The following ARHGAP35 variants were observed in gnomAD, a reference collection of about 807,000 sequenced individuals.
ARHGAP35 encodes rho GTPase-activating protein 35.
Under a neutral mutation model 111.1 loss-of-function variants are expected in ARHGAP35, and 15 were observed. That is an observed-to-expected ratio of 0.13 (90% CI 0.09 to 0.21). ARHGAP35 has a LOEUF of 0.21. Among genes scored for constraint, ARHGAP35 ranks in the 10% least tolerant of loss-of-function variants. The pLI is 1.00. For missense variants in ARHGAP35, 1,262 were observed against 1,873.0 expected (o/e 0.67, Z 6.02); for synonymous variants, 643 against 710.3 (o/e 0.91, Z 1.51).
intron 1 of ARHGAP35, among the ~76,000 whole-genome samples, chr19:46,866,177 T>A (rs1186939341): frequency 1.3e-5 from 2 of 152,216 alleles, no homozygotes; most frequent in African/African-American, 4.8e-5. Flanking sequence ...TTGTTATTCA[T>A]CACAGCACTA....
At chr19:46,961,999 G>A (rs2056485861) in intron 3 of ARHGAP35, among the ~76,000 whole-genome samples, 1 of 151,884 alleles carries the variant, frequency 6.6e-6, no homozygotes. Flanking sequence ...GAAGGGAAGG[G>A]AAGGAAAGGA....
chr19:46,923,243 T>C (rs1320545102), intron 2 of ARHGAP35, among the ~76,000 whole-genome samples: 2 of 152,028 alleles, frequency 1.3e-5, no homozygotes, highest in Non-Finnish European at 1.5e-5. Flanking sequence ...TAGCTGGGAC[T>C]ACAGGCGCCC....
rs148943157 is a variant in ARHGAP35, at chr19:46,951,557, A to G, written c.3826+14149A>G. Among the ~76,000 whole-genome samples, 797 of 152,138 alleles carry G rather than the reference A, an allele frequency of 5.2e-3. 10 individuals carry two copies. The highest frequency in any genetic ancestry group is 0.019 in the African/African-American group (776 of 41,514). ...TTACAAGCAAATATTTAACTTCTCCATTGTTAGTTTCCTTGACCATAAAAT... is the reference window on the plus strand; with the variant it reads ...TTACAAGCAAATATTTAACTTCTCCGTTGTTAGTTTCCTTGACCATAAAAT... On this transcript the variant is annotated intron_variant, in intron 3 of 6. Coordinates refer to ENST00000672722, the MANE Select transcript of ARHGAP35 (RefSeq NM_004491.5).
chr19:46,913,106 CAG>C (rs1406061458), intron 1 of ARHGAP35, among the ~76,000 whole-genome samples: 2 of 150,978 alleles, frequency 1.3e-5, no homozygotes, highest in Non-Finnish European at 2.9e-5. Context: ...ATTTGAAACT[CAG>C]TGTGTTTTCA....
At chr19:46,934,280 A>C (rs146673084) in intron 2 of ARHGAP35, among the ~76,000 whole-genome samples, 228 of 152,342 alleles carry the variant, frequency 1.5e-3, no homozygotes, top group African/African-American at 5.3e-3. Flanking sequence ...AAAAATAGGA[A>C]ACATTTTAAG....
At chr19:46,966,405 C>T (rs184050968) in intron 3 of ARHGAP35, among the ~76,000 whole-genome samples, 71 of 152,210 alleles carry the variant, frequency 4.7e-4, no homozygotes, top group African/African-American at 1.6e-3. Context: ...GAAAATTAAT[C>T]AGGTGTGCTG....
intron 3 of ARHGAP35, among the ~76,000 whole-genome samples, chr19:46,963,466 C>T (rs771326521): frequency 7.9e-5 from 12 of 152,182 alleles, no homozygotes; most frequent in Non-Finnish European, 1.6e-4. Flanking sequence ...TGCCTTCACT[C>T]CTCCACACTG....
intron 2 of ARHGAP35, among the ~76,000 whole-genome samples, chr19:46,931,858 A>G (rs2056274726): frequency 6.6e-6 from 1 of 152,196 alleles, no homozygotes; most frequent in African/African-American, 2.4e-5. Flanking sequence ...TCTCAACTGT[A>G]AAATGGGTCT....
chr19:46,867,158 T>C (rs1479924955), intron 1 of ARHGAP35, among the ~76,000 whole-genome samples: 1 of 152,262 alleles, frequency 6.6e-6, no homozygotes, highest in Non-Finnish European at 1.5e-5. Flanking sequence ...CCAGATACTT[T>C]CAGCCATGAA....
At chr19:46,882,630 G>A (rs1229009328) in intron 1 of ARHGAP35, among the ~76,000 whole-genome samples, 1 of 152,120 alleles carries the variant, frequency 6.6e-6, no homozygotes, top group Non-Finnish European at 1.5e-5. Flanking sequence ...TTAGGTATTT[G>A]TCCTAATGCT....
At chr19:46,964,981 T>G (rs1214244275) in intron 3 of ARHGAP35, among the ~76,000 whole-genome samples, 1 of 152,240 alleles carries the variant, frequency 6.6e-6, no homozygotes, top group Non-Finnish European at 1.5e-5. Context: ...CCCTATATTT[T>G]GTGACAATTA....
chr19:46,921,738 G>A lies in ARHGAP35; in HGVS notation c.3063G>A (p.Gly1021=), dbSNP rs377484115. ...KLSMELEGND[G]LSFIMSNFES... ...CTATGGAACTGGAGGGAAATGATGG[G>A]CTGTCTTTCATTATGAGCAATTTTG... The change falls in exon 2 of 7, where the codon GGG becomes GGA. Residue 1021 remains glycine (G), a synonymous_variant. Coordinates refer to ENST00000672722, the MANE Select transcript of ARHGAP35 (RefSeq NM_004491.5). This position sits in a 1 kb window ranked among gnomAD's most constrained non-coding sequence, Gnocchi z 4.3. The A allele has an allele frequency of 1.7e-5, 27 of 1,613,870 alleles. No homozygotes were observed. The African/African-American group carries it at 3.6e-4, about 22-fold the overall frequency.
intron 1 of ARHGAP35, among the ~76,000 whole-genome samples, chr19:46,907,478 T>TG (rs140566584): frequency 1.8e-4 from 26 of 147,484 alleles, no homozygotes; most frequent in African/African-American, 6.3e-4. Flanking sequence ...TAGCTTCTTT[T>TG]TTTGTTTGTT....
At chr19:46,883,277 G>A (rs1009941140) in intron 1 of ARHGAP35, among the ~76,000 whole-genome samples, 1 of 120,248 alleles carries the variant, frequency 8.3e-6, no homozygotes, top group Non-Finnish European at 1.8e-5. Context: ...TTTTTTTTTT[G>A]TTAGTAGAGA....
chr19:46,977,147 A>AG (rs1284673695), intron 3 of ARHGAP35, among the ~76,000 whole-genome samples: 1 of 152,228 alleles, frequency 6.6e-6, no homozygotes, highest in East Asian at 1.9e-4. Context: ...CAGCTTCTGC[A>AG]GGGGGCGTGG....
At chr19:46,955,219 A>G (rs1386250181) in intron 3 of ARHGAP35, among the ~76,000 whole-genome samples, 1 of 152,090 alleles carries the variant, frequency 6.6e-6, no homozygotes, top group African/African-American at 2.4e-5. Context: ...ATGTGATACA[A>G]CTCCTAGCGG....
intron 3 of ARHGAP35, among the ~76,000 whole-genome samples, chr19:46,966,407 G>A (rs2056515439): frequency 6.6e-6 from 1 of 152,080 alleles, no homozygotes. Flanking sequence ...AAATTAATCA[G>A]GTGTGCTGGT....
rs553689261 is a variant in ARHGAP35, at chr19:46,935,421, T to C, written c.3682-1843T>C. Among the ~76,000 whole-genome samples, 20 of 152,342 alleles carry C rather than the reference T, an allele frequency of 1.3e-4. No homozygotes were observed. In the South Asian group the frequency reaches 4.1e-3, roughly 32 times the overall value. ...TTTCCTTGTGTACATTATATTCTGA[T>C]CTGTTCTTTTTTTTTCTTGCTATTT... On this transcript the variant is annotated intron_variant, in intron 2 of 6. Transcript: ENST00000672722.
rs2056666031 is a variant in ARHGAP35 at position 46,989,067 on chromosome 19, G to A, written c.3905-477G>A. 6.0e-6 allele frequency: 1 copy of A among 166,372 alleles called. No individual in the cohort carries two copies. The highest frequency in any genetic ancestry group is 1.3e-5 in the Non-Finnish European group (1 of 75,338). The allele number at this position is 166,372 out of a possible 1,614,324, so 10.3% of individuals were successfully genotyped here. A position where few individuals can be genotyped will look rare whatever the true frequency, so the allele number is the denominator to read the frequency against. ...GTCAGCGGTGCCTGTGGCTGGGAAGGGCCAGAGAGAGAAAAAATGAGCCTA... is the reference window on the plus strand; with the variant it reads ...GTCAGCGGTGCCTGTGGCTGGGAAGAGCCAGAGAGAGAAAAAATGAGCCTA... On this transcript the variant is annotated intron_variant, in intron 4 of 6. Transcript: ENST00000672722. This position sits in a 1 kb window ranked among gnomAD's most constrained non-coding sequence, Gnocchi z 5.3.
Sources: gnomAD v4.1 joint callset for allele counts (sites outside exome capture counted in the v4.1 genomes callset) on GRCh38, gnomAD v4.1.1 for gene constraint, Gnocchi (gnomAD v3.1) non-coding constraint, MANE v1.5 for transcripts, NCBI Gene and HGNC (gene_info 2026-07-23, HGNC 2026-07-21) for gene names.